The following DESI2 variants were observed in gnomAD, a reference collection of about 807,000 sequenced individuals.
DESI2 encodes the protein deubiquitinase DESI2.
A neutral mutation model predicts 24.1 loss-of-function variants in DESI2; 10 were observed. The ratio of observed to expected loss-of-function variants is 0.41; its 90% CI spans 0.26 to 0.70. The LOEUF (loss-of-function observed/expected upper bound fraction) is 0.70. Ranked by LOEUF, DESI2 falls within the 30% of genes least tolerant of loss-of-function variation. The pLI is 0.29. For synonymous variants in DESI2, 71 were observed against 87.7 expected (o/e 0.81, Z 1.06); for missense variants, 122 against 234.9 (o/e 0.52, Z 3.14).
intron 1 of DESI2, among the ~76,000 whole-genome samples, chr1:244,683,265 A>G (rs1676681513): frequency 1.3e-5 from 2 of 152,136 alleles, no homozygotes; most frequent in Non-Finnish European, 2.9e-5. Context: ...ACGTGTACAC[A>G]TGGGCCTAGG....
At chr1:244,664,255 G>A (rs1675964477) in intron 1 of DESI2, among the ~76,000 whole-genome samples, 1 of 152,158 alleles carries the variant, frequency 6.6e-6, no homozygotes, top group Non-Finnish European at 1.5e-5. Flanking sequence ...AGAGGTAAAA[G>A]CTTGTAGCAG....
At chr1:244,664,399 C>T (rs1032381770) in intron 1 of DESI2, among the ~76,000 whole-genome samples, 2 of 152,164 alleles carry the variant, frequency 1.3e-5, no homozygotes, top group East Asian at 1.9e-4. Flanking sequence ...AAAAGAGCAA[C>T]GAAGACGTAA....
intron 4 of DESI2, among the ~76,000 whole-genome samples, chr1:244,697,509 AGGATGAAAT>A (rs1405363473): frequency 6.6e-6 from 1 of 150,654 alleles, no homozygotes; most frequent in African/African-American, 2.4e-5. Flanking sequence ...GAGAAAAGAA[AGGATGAAAT>A]GGGTAGAGGT....
At chr1:244,681,730 C>T (rs1332009139) in intron 1 of DESI2, among the ~76,000 whole-genome samples, 1 of 152,160 alleles carries the variant, frequency 6.6e-6, no homozygotes, top group Non-Finnish European at 1.5e-5. Context: ...GTATATATCT[C>T]AGTAAGGGTA....
In DESI2 at chr1:244,705,538, A is replaced by C. The variant is rs1553268228; in HGVS notation, c.352-18A>C. The C allele has an allele frequency of 3.1e-6, 5 of 1,606,514 alleles. No individual in the cohort carries two copies. The East Asian group carries it at 1.1e-4, about 36-fold the overall frequency. ...CTTAACCTCTCTTACCTAATACAGA[A>C]CTCTTTCTCTTCTGTAGATTCTTTG... On this transcript the variant is annotated intron_variant, in intron 4 of 4. Transcript: ENST00000302550.
Position 244,705,840 on chromosome 1 carries a change from T to A in DESI2, c.*51T>A. On this transcript the variant is annotated 3_prime_UTR_variant, in exon 5 of 5. Coordinates refer to ENST00000302550, the MANE Select transcript of DESI2 (RefSeq NM_016076.5). Reference sequence around the variant, plus strand: ...ACTGTCTCTGGCAGTCGAATATCACTAGAGAAAAGTAAACAGAGAAGCATC... The same window carrying A: ...ACTGTCTCTGGCAGTCGAATATCACAAGAGAAAAGTAAACAGAGAAGCATC... 3.1e-6 allele frequency: 4 copies of A among 1,298,536 alleles called. No homozygotes were observed. The highest frequency in any genetic ancestry group is 4.3e-6 in the Non-Finnish European group (4 of 925,878). 80.4% of individuals were successfully genotyped at this position (1,298,536 alleles called of 1,614,324 possible). A position where few individuals can be genotyped will look rare whatever the true frequency, so the allele number is the denominator to read the frequency against.
chr1:244,674,289 G>A (rs953833131), intron 1 of DESI2, among the ~76,000 whole-genome samples: 13 of 150,632 alleles, frequency 8.6e-5, no homozygotes, highest in Admixed American at 3.3e-4. Flanking sequence ...TACTGCACCC[G>A]GCCGATTTAC....
chr1:244,661,308 A>C (rs1193396587), intron 1 of DESI2, among the ~76,000 whole-genome samples: 1 of 152,150 alleles, frequency 6.6e-6, no homozygotes, highest in Non-Finnish European at 1.5e-5. Flanking sequence ...CATAGTCCTC[A>C]GGGTTTATCT....
intron 1 of DESI2, among the ~76,000 whole-genome samples, chr1:244,676,334 C>T (rs1289432950): frequency 1.3e-5 from 2 of 152,048 alleles, no homozygotes; most frequent in Non-Finnish European, 2.9e-5. Context: ...GCCTCAGCCT[C>T]CCAAAGTGCT....
In DESI2 at chr1:244,653,139, G is replaced by C; in HGVS notation, c.-175G>C. On this transcript the variant is annotated 5_prime_UTR_variant, in exon 1 of 5. Coordinates refer to ENST00000302550, the MANE Select transcript of DESI2 (RefSeq NM_016076.5). ...CCCCGTCCGCACAGACGCTCCTGTC[G>C]GCGGCGCCCGGGAGCGGCTCGGCTG... 3.8e-6 allele frequency: 2 copies of C among 524,986 alleles called. No homozygotes were observed. Among genetic ancestry groups the C allele is most frequent in the Non-Finnish European group, 6.0e-6 (2 of 335,882 alleles). 32.5% of individuals were successfully genotyped at this position (524,986 alleles called of 1,614,324 possible). A position where few individuals can be genotyped will look rare whatever the true frequency, so the allele number is the denominator to read the frequency against.
At chr1:244,653,985 T>G (rs566842216) in intron 1 of DESI2, 1 of 471,232 alleles carries the variant, frequency 2.1e-6, no homozygotes, top group Admixed American at 2.3e-5. Flanking sequence ...TTAGAGATCC[T>G]GGTGGTGCTC....
rs12080881 is a variant in DESI2, at chr1:244,696,675, A to G, written c.351+4655A>G. Among the ~76,000 whole-genome samples, 1,034 of 152,302 alleles carry G rather than the reference A, an allele frequency of 6.8e-3. 18 individuals are homozygous for G. The highest frequency in any genetic ancestry group is 0.023 in the African/African-American group (973 of 41,552). ...AAGTTGGTTCCTATACAGAAGAGTT[A>G]ACTACCATCATAGGCCTAAAACTGC... On this transcript the variant is annotated intron_variant, in intron 4 of 4. Transcript: ENST00000302550.
intron 1 of DESI2, among the ~76,000 whole-genome samples, chr1:244,677,205 G>A (rs1676442984): frequency 6.6e-6 from 1 of 152,036 alleles, no homozygotes; most frequent in African/African-American, 2.4e-5. Flanking sequence ...TTCTTTGTGG[G>A]TAGTGTTTAA....
At chr1:244,660,337 T>C (rs1675797565) in intron 1 of DESI2, among the ~76,000 whole-genome samples, 1 of 152,130 alleles carries the variant, frequency 6.6e-6, no homozygotes, top group African/African-American at 2.4e-5. Context: ...AGCTAGTTTT[T>C]TTGTATTTTT....
intron 1 of DESI2, among the ~76,000 whole-genome samples, chr1:244,675,393 T>C (rs973976403): frequency 2.0e-5 from 3 of 152,222 alleles, no homozygotes; most frequent in Admixed American, 6.5e-5. Flanking sequence ...ATGCTTCTCT[T>C]CCAAGAGTTT....
chr1:244,667,489 C>A (rs938961208), intron 1 of DESI2, among the ~76,000 whole-genome samples: 3 of 152,170 alleles, frequency 2.0e-5, no homozygotes, highest in African/African-American at 7.2e-5. Context: ...ATGATCCTTA[C>A]AATGATATTG....
chr1:244,680,035 T>TA lies in DESI2; in HGVS notation c.43-6562_43-6561insA, dbSNP rs72136348. Reference sequence around the variant, plus strand: ...TCTTTTTAGCCTTTTTTTTTTTTTTTTAAACAAAAAATCTAGGATCCAGTC... The same window carrying TA: ...TCTTTTTAGCCTTTTTTTTTTTTTTTATAAACAAAAAATCTAGGATCCAGTC... On this transcript the variant is annotated intron_variant, in intron 1 of 4. Transcript: ENST00000302550. 7.2e-3 allele frequency among the ~76,000 whole-genome samples: 426 copies of TA among 58,968 alleles called. 4 individuals carry two copies. Among genetic ancestry groups the TA allele is most frequent in the African/African-American group, 0.018 (331 of 18,264 alleles). The allele number at this position is 58,968 out of a possible 152,430, so 38.7% of individuals were successfully genotyped here.
At chr1:244,673,158 C>G (rs1035574654) in intron 1 of DESI2, among the ~76,000 whole-genome samples, 1 of 152,160 alleles carries the variant, frequency 6.6e-6, no homozygotes, top group Admixed American at 6.6e-5. Context: ...TTGCATCTTC[C>G]ACAGGCAGCC....
chr1:244,705,112 C>G (rs1677643600), intron 4 of DESI2, among the ~76,000 whole-genome samples: 1 of 152,022 alleles, frequency 6.6e-6, no homozygotes, highest in African/African-American at 2.4e-5. Context: ...AGGGGAAAGT[C>G]AAAAAGAATC....
Sources: gnomAD v4.1 joint callset for allele counts (sites outside exome capture counted in the v4.1 genomes callset) on GRCh38, gnomAD v4.1.1 for gene constraint, MANE v1.5 for transcripts, NCBI Gene and HGNC (gene_info 2026-07-23, HGNC 2026-07-21) for gene names.